The following MCC variants were observed in gnomAD, a reference collection of about 807,000 sequenced individuals.
MCC encodes MCC regulator of Wnt signaling pathway.
A neutral mutation model predicts 116.2 loss-of-function variants in MCC; 90 were observed. The observed-to-expected ratio is 0.77, with a 90% CI of 0.65 to 0.92. The LOEUF is 0.92. Among genes scored for constraint, MCC ranks in the 40% least tolerant of loss-of-function variants. The pLI is 0.00. For synonymous variants in MCC, 578 were observed against 510.5 expected (o/e 1.13, Z -1.78); for missense variants, 1,516 against 1,312.2 (o/e 1.16, Z -2.40).
At chr5:113,235,829 C>T (rs965532176) in intron 3 of MCC, among the ~76,000 whole-genome samples, 2 of 152,202 alleles carry the variant, frequency 1.3e-5, no homozygotes, top group African/African-American at 4.8e-5. Flanking sequence ...CAATGTTATG[C>T]CCAGTTCTGC....
chr5:113,212,257 A>G (rs1034285610), intron 3 of MCC, among the ~76,000 whole-genome samples: 12 of 152,154 alleles, frequency 7.9e-5, no homozygotes, highest in African/African-American at 2.7e-4. Flanking sequence ...CAAAGGCAAG[A>G]AAAAGCCATT....
intron 8 of MCC, among the ~76,000 whole-genome samples, chr5:113,096,454 G>C (rs1009877602): frequency 1.3e-5 from 2 of 152,340 alleles, no homozygotes; most frequent in East Asian, 3.9e-4. Flanking sequence ...ACCACAAGAT[G>C]GATGAGTGAA....
intron 7 of MCC, among the ~76,000 whole-genome samples, chr5:113,102,886 C>T (rs1291302524): frequency 2.0e-5 from 3 of 152,128 alleles, no homozygotes; most frequent in Non-Finnish European, 2.9e-5. Flanking sequence ...GAGGCCCAGG[C>T]GGGTGGATCA....
intron 1 of MCC, among the ~76,000 whole-genome samples, chr5:113,419,886 G>C (rs1222696466): frequency 1.7e-5 from 2 of 120,000 alleles, no homozygotes; most frequent in African/African-American, 6.2e-5. Flanking sequence ...TGGGGGGAGG[G>C]GGGAGGGATA....
chr5:113,380,217 T>C (rs1769083574), intron 2 of MCC, among the ~76,000 whole-genome samples: 1 of 152,224 alleles, frequency 6.6e-6, no homozygotes, highest in East Asian at 1.9e-4. Flanking sequence ...TAGGCTTTTC[T>C]CACAACAGCA....
At chr5:113,266,362 G>T (rs1765418075) in intron 3 of MCC, among the ~76,000 whole-genome samples, 1 of 152,090 alleles carries the variant, frequency 6.6e-6, no homozygotes, top group Admixed American at 6.5e-5. Context: ...ACCCAGCAAC[G>T]ATCAATGATG....
chr5:113,131,892 A>G (rs1049964112), intron 5 of MCC, among the ~76,000 whole-genome samples: 1 of 152,174 alleles, frequency 6.6e-6, no homozygotes, highest in Non-Finnish European at 1.5e-5. Flanking sequence ...GACAACAGCT[A>G]TCATAGTCTC....
Position 113,071,238 on chromosome 5 carries a change from C to G in MCC, c.1785-4G>C. 3.1e-6 allele frequency: 5 copies of G among 1,612,026 alleles called. No individual in the cohort carries two copies. The highest frequency in any genetic ancestry group is 3.4e-6 in the Non-Finnish European group (4 of 1,179,200). ...GGATTTGAGGTGCTCAATCCGGCTACAAAGGAACAAAAATCAGATTCACAC... is the reference window on the plus strand; with the variant it reads ...GGATTTGAGGTGCTCAATCCGGCTAGAAAGGAACAAAAATCAGATTCACAC... On this transcript the variant is annotated splice_polypyrimidine_tract_variant and splice_region_variant and intron_variant, in intron 11 of 18. Coordinates refer to ENST00000408903, the MANE Select transcript of MCC (RefSeq NM_001085377.2).
At chr5:113,242,300 T>C (rs1357602298) in intron 3 of MCC, among the ~76,000 whole-genome samples, 2 of 152,228 alleles carry the variant, frequency 1.3e-5, no homozygotes, top group Admixed American at 6.5e-5. Flanking sequence ...CATTCTAGTA[T>C]ATTCACATCA....
At chr5:113,202,801 A>AC (rs1193829255) in intron 3 of MCC, among the ~76,000 whole-genome samples, 4 of 150,918 alleles carry the variant, frequency 2.7e-5, no homozygotes, top group Non-Finnish European at 4.4e-5. Context: ...AAAAAAAAAA[A>AC]AAACTTTTTC....
intron 4 of MCC, among the ~76,000 whole-genome samples, chr5:113,148,377 TG>T (rs11291556): frequency 0.62 from 93,751 of 152,050 alleles, 29,475 homozygotes; most frequent in East Asian, 0.73. Context: ...TACCTACAGG[TG>T]GATGTCATGA....
chr5:113,305,261 A>G (rs1766961118), intron 3 of MCC, among the ~76,000 whole-genome samples: 1 of 152,160 alleles, frequency 6.6e-6, no homozygotes, highest in Non-Finnish European at 1.5e-5. Flanking sequence ...TCTCCCAGCC[A>G]TCCTCAGTTG....
intron 8 of MCC, among the ~76,000 whole-genome samples, chr5:113,094,053 G>A (rs970972670): frequency 2.0e-5 from 3 of 152,118 alleles, no homozygotes; most frequent in African/African-American, 7.2e-5. Flanking sequence ...TTGGAAAGCT[G>A]CTATCTCGAA....
At chr5:113,249,489 G>A (rs150998035) in intron 3 of MCC, among the ~76,000 whole-genome samples, 36 of 152,222 alleles carry the variant, frequency 2.4e-4, no homozygotes, top group African/African-American at 4.1e-4. Flanking sequence ...TTCCTTTTAC[G>A]TCTGCCAAAC....
chr5:113,094,447 A>C (rs1202489563), intron 8 of MCC, among the ~76,000 whole-genome samples: 2 of 149,434 alleles, frequency 1.3e-5, no homozygotes, highest in Non-Finnish European at 3.0e-5. Flanking sequence ...TTTGAGACAG[A>C]ATCTCACACG....
chr5:113,293,129 T>TA (rs1319292534), intron 3 of MCC, among the ~76,000 whole-genome samples: 1 of 151,998 alleles, frequency 6.6e-6, no homozygotes, highest in African/African-American at 2.4e-5. Flanking sequence ...GCATGACACT[T>TA]AAGAGCACCA....
At chr5:113,318,547 G>A (rs1020158527) in intron 3 of MCC, among the ~76,000 whole-genome samples, 1 of 152,188 alleles carries the variant, frequency 6.6e-6, no homozygotes. Flanking sequence ...GGTTGGAGCT[G>A]GAGGCCATTA....
At chr5:113,441,146 C>T (rs1580379106) in intron 1 of MCC, among the ~76,000 whole-genome samples, 1 of 152,084 alleles carries the variant, frequency 6.6e-6, no homozygotes, top group East Asian at 1.9e-4. Flanking sequence ...ACCAGACTGG[C>T]CAACATGGTG....
At chr5:113,111,420 G>A (rs923414159) in intron 6 of MCC, among the ~76,000 whole-genome samples, 3 of 152,162 alleles carry the variant, frequency 2.0e-5, no homozygotes, top group Non-Finnish European at 2.9e-5. Context: ...TGTGTGCCCT[G>A]CGATGGGATG....
Sources: allele counts gnomAD v4.1 joint callset (sites outside exome capture counted in the v4.1 genomes callset), GRCh38; gene constraint gnomAD v4.1.1; transcripts MANE v1.5; gene names NCBI Gene and HGNC (gene_info 2026-07-23, HGNC 2026-07-21).